Variants in TMEM135 observed in about 807,000 individuals in gnomAD.
The protein encoded by TMEM135 is peroxisomal membrane protein 52.
A neutral mutation model predicts 60.3 loss-of-function variants in TMEM135; 30 were observed. The ratio of observed to expected loss-of-function variants is 0.50; its 90% CI spans 0.37 to 0.68. The LOEUF is 0.68. Among genes scored for constraint, TMEM135 ranks in the 30% least tolerant of loss-of-function variants. TMEM135 has a pLI of 0.00. For missense variants in TMEM135, 468 were observed against 548.8 expected (o/e 0.85, Z 1.47); for synonymous variants, 190 against 186.7 (o/e 1.02, Z -0.14).
chr11:87,298,179 T>C (rs1457257208), intron 7 of TMEM135, among the ~76,000 whole-genome samples: 1 of 152,190 alleles, frequency 6.6e-6, no homozygotes, highest in Non-Finnish European at 1.5e-5. Context: ...AATTTAATAT[T>C]AATTACAAAG....
At chr11:87,311,028 ATTTC>A (rs1189835966) in intron 10 of TMEM135, among the ~76,000 whole-genome samples, 7 of 151,206 alleles carry the variant, frequency 4.6e-5, no homozygotes, top group Non-Finnish European at 1.0e-4. Context: ...TTCATACTTT[ATTTC>A]TTTGACTGTT....
chr11:87,167,400 A>G (rs1939085280), intron 5 of TMEM135, among the ~76,000 whole-genome samples: 5 of 152,158 alleles, frequency 3.3e-5, no homozygotes, highest in Admixed American at 6.5e-5. Flanking sequence ...TTCAAAGAGA[A>G]TGCTTCCAGC....
chr11:87,168,034 T>G (rs1045707513), intron 5 of TMEM135, among the ~76,000 whole-genome samples: 1 of 152,204 alleles, frequency 6.6e-6, no homozygotes, highest in African/African-American at 2.4e-5. Flanking sequence ...TGGTTTAGTC[T>G]TGGGAGGGTG....
chr11:87,275,083 C>T (rs1941944398), intron 6 of TMEM135, among the ~76,000 whole-genome samples: 1 of 150,442 alleles, frequency 6.6e-6, no homozygotes, highest in Admixed American at 6.6e-5. Context: ...ATGTTCAGAC[C>T]CCTGCAATTT....
intron 5 of TMEM135, among the ~76,000 whole-genome samples, chr11:87,180,121 A>G (rs990457824): frequency 5.3e-5 from 8 of 151,820 alleles, no homozygotes; most frequent in African/African-American, 1.7e-4. Flanking sequence ...GTGGAACATC[A>G]CTGTTTTCTT....
At chr11:87,169,340 C>T (rs1351872450) in intron 5 of TMEM135, among the ~76,000 whole-genome samples, 1 of 150,636 alleles carries the variant, frequency 6.6e-6, no homozygotes, top group African/African-American at 2.4e-5. Flanking sequence ...TTGATCCTGT[C>T]ATTATGATGC....
At chr11:87,066,174 T>C (rs1271948619) in intron 1 of TMEM135, among the ~76,000 whole-genome samples, 18 of 152,200 alleles carry the variant, frequency 1.2e-4, no homozygotes, top group Admixed American at 1.1e-3. Flanking sequence ...TTATAGTCTT[T>C]CTGTTCTGAA....
chr11:87,079,079 C>T (rs750180853), intron 3 of TMEM135, among the ~76,000 whole-genome samples: 1 of 151,902 alleles, frequency 6.6e-6, no homozygotes, highest in African/African-American at 2.4e-5. Context: ...GATCTTTGCT[C>T]ACTGCAACCT....
In TMEM135 at chr11:87,321,432, T is replaced by C. The variant is rs778409450; in HGVS notation, c.*99T>C. ...GGCCCAAGCTCGAACTTCAGTGTTA[T>C]TTCAGTTAGAGATACTCTTTTCATT... On this transcript the variant is annotated 3_prime_UTR_variant, in exon 15 of 15. Coordinates refer to ENST00000305494, the MANE Select transcript of TMEM135 (RefSeq NM_022918.4). The C allele has an allele frequency of 1.6e-6, 2 of 1,287,082 alleles. No homozygotes were observed. Among genetic ancestry groups the C allele is most frequent in the African/African-American group, 2.9e-5 (2 of 68,156 alleles). 79.7% of individuals were successfully genotyped at this position (1,287,082 alleles called of 1,614,324 possible). A position where few individuals can be genotyped will look rare whatever the true frequency, so the allele number is the denominator to read the frequency against.
intron 4 of TMEM135, among the ~76,000 whole-genome samples, chr11:87,149,459 C>T (rs190684870): frequency 1.1e-4 from 16 of 152,114 alleles, no homozygotes; most frequent in Admixed American, 5.2e-4. Flanking sequence ...GGGAGAGGGT[C>T]AGGGAAAGGG....
intron 4 of TMEM135, among the ~76,000 whole-genome samples, chr11:87,142,760 T>C (rs1422132648): frequency 6.6e-6 from 1 of 151,846 alleles, no homozygotes; most frequent in East Asian, 1.9e-4. Context: ...TCCTCTTTTT[T>C]TCCCATTTCC....
intron 4 of TMEM135, among the ~76,000 whole-genome samples, chr11:87,134,689 T>G (rs1278363509): frequency 6.6e-6 from 1 of 152,216 alleles, no homozygotes; most frequent in Non-Finnish European, 1.5e-5. Context: ...TCTCACTATG[T>G]TGCCCAGTCT....
intron 4 of TMEM135, among the ~76,000 whole-genome samples, chr11:87,091,900 TG>T (rs141926144): frequency 0.094 from 14,233 of 152,138 alleles, 698 homozygotes; most frequent in African/African-American, 0.1. Flanking sequence ...GTTAATGTTA[TG>T]TTGTTTGATA....
intron 4 of TMEM135, among the ~76,000 whole-genome samples, chr11:87,148,651 C>T (rs1212101921): frequency 6.6e-6 from 1 of 151,962 alleles, no homozygotes; most frequent in African/African-American, 2.4e-5. Flanking sequence ...TACAGGAGGA[C>T]TGTTAAAAAT....
intron 6 of TMEM135, among the ~76,000 whole-genome samples, chr11:87,251,208 G>C (rs1386646117): frequency 6.6e-6 from 1 of 151,734 alleles, no homozygotes; most frequent in African/African-American, 2.4e-5. Context: ...GGAGTTATCA[G>C]CATGTAGATA....
At chr11:87,298,228 A>G (rs1323626909) in intron 7 of TMEM135, among the ~76,000 whole-genome samples, 1 of 152,208 alleles carries the variant, frequency 6.6e-6, no homozygotes, top group Non-Finnish European at 1.5e-5. Flanking sequence ...GCACAATTTA[A>G]TATGAGCTCC....
chr11:87,107,198 A>G (rs1401803423), intron 4 of TMEM135, among the ~76,000 whole-genome samples: 1 of 152,146 alleles, frequency 6.6e-6, no homozygotes, highest in Admixed American at 6.6e-5. Context: ...CAGTCTTGGT[A>G]GGTTGTATGT....
intron 8 of TMEM135, 115 bp downstream of exon 8, chr11:87,302,557 G>T: frequency 7.6e-7 from 1 of 1,315,290 alleles, no homozygotes. Flanking sequence ...TTTTTCACCA[G>T]AAACTGTGCA....
chr11:87,312,102 T>C (rs536970402), intron 10 of TMEM135, among the ~76,000 whole-genome samples: 1 of 151,726 alleles, frequency 6.6e-6, no homozygotes, highest in East Asian at 1.9e-4. Flanking sequence ...TATATATAGT[T>C]TATGATGTGA....
Sources: gnomAD v4.1 joint callset for allele counts (sites outside exome capture counted in the v4.1 genomes callset) on GRCh38, gnomAD v4.1.1 for gene constraint, MANE v1.5 for transcripts, NCBI Gene and HGNC (gene_info 2026-07-23, HGNC 2026-07-21) for gene names.